WDHD1: variants seen among roughly 807,000 people sequenced by gnomAD.
WDHD1 encodes the protein WD repeat and HMG-box DNA-binding protein 1.
In WDHD1, 111 loss-of-function variants were observed where a neutral mutation model predicts 135.4. The observed-to-expected ratio is 0.82, with a 90% CI of 0.70 to 0.96. WDHD1 has a LOEUF of 0.96. Ranked by LOEUF, WDHD1 falls within the 40% of genes least tolerant of loss-of-function variation. WDHD1 has a pLI of 0.00. For synonymous variants in WDHD1, 434 were observed against 439.0 expected, an observed-to-expected ratio of 0.99 and a Z score of 0.14; for missense variants, 1,351 against 1,336.3, an observed-to-expected ratio of 1.01 and a Z score of -0.17.
Position 54,961,922 on chromosome 14 carries a change from C to T in WDHD1, c.2701+576G>A, listed in dbSNP as rs547039898. Among the ~76,000 whole-genome samples, 366 of 151,984 alleles carry T rather than the reference C, an allele frequency of 2.4e-3. 1 individual carries two copies. Among genetic ancestry groups the T allele is most frequent in the Admixed American group, 4.3e-3 (65 of 15,250 alleles). Reference sequence around the variant, plus strand: ...CACGATCTCGGCTCACTGCTACCTCCACCTCCTGAGTTCAAGTGATTCTCC... The same window carrying T: ...CACGATCTCGGCTCACTGCTACCTCTACCTCCTGAGTTCAAGTGATTCTCC... On this transcript the variant is annotated intron_variant, in intron 21 of 25. Transcript: ENST00000360586.
chr14:54,994,859 T>C (rs947930439), intron 11 of WDHD1, among the ~76,000 whole-genome samples: 7 of 152,170 alleles, frequency 4.6e-5, no homozygotes, highest in African/African-American at 1.7e-4. Context: ...GTGGCTACTA[T>C]ATATTGGATA....
chr14:54,988,145 C>T (rs942265536), intron 13 of WDHD1, among the ~76,000 whole-genome samples: 3 of 152,144 alleles, frequency 2.0e-5, no homozygotes, highest in Non-Finnish European at 2.9e-5. Context: ...TACTTACCTA[C>T]CTACTTATCA....
At chr14:54,990,868 T>C (rs1291782339) in intron 12 of WDHD1, among the ~76,000 whole-genome samples, 1 of 152,176 alleles carries the variant, frequency 6.6e-6, no homozygotes, top group Non-Finnish European at 1.5e-5. Context: ...ACCTCCTTAC[T>C]AGTGTTTTGG....
At chr14:55,019,017 C>T (rs1566745947) in intron 2 of WDHD1, among the ~76,000 whole-genome samples, 1 of 152,116 alleles carries the variant, frequency 6.6e-6, no homozygotes, top group Non-Finnish European at 1.5e-5. Flanking sequence ...GAGTGAAACT[C>T]TGACTCAAAC....
At chr14:54,969,876 G>C (rs1197769983) in intron 16 of WDHD1, among the ~76,000 whole-genome samples, 1 of 152,084 alleles carries the variant, frequency 6.6e-6, no homozygotes, top group Non-Finnish European at 1.5e-5. Context: ...TTACTCCTGG[G>C]ATGTAAGGTT....
In WDHD1 at chr14:54,939,878, T is replaced by C. The variant is rs950012321; in HGVS notation, c.*1612A>G. 2 of 152,256 alleles carry C rather than the reference T, an allele frequency of 1.3e-5. No homozygotes were observed. The highest frequency in any genetic ancestry group is 2.9e-5 in the Non-Finnish European group (2 of 68,044). The allele number at this position is 152,256 out of a possible 1,614,324, so 9.4% of individuals were successfully genotyped here. ...AATGGCGAAACTGCATTTACTTTTA[T>C]ATCAACCTAGTATTATAAAATATAT... On this transcript the variant is annotated 3_prime_UTR_variant, in exon 26 of 26. Coordinates refer to ENST00000360586, the MANE Select transcript of WDHD1 (RefSeq NM_007086.4).
At chr14:55,003,782 T>C (rs2042017569) in intron 7 of WDHD1, among the ~76,000 whole-genome samples, 1 of 152,042 alleles carries the variant, frequency 6.6e-6, no homozygotes. Flanking sequence ...CAGGCTGGTC[T>C]CGAACTCCTG....
In WDHD1 at chr14:54,958,704, CCT is replaced by C. The variant is rs200449348; in HGVS notation, c.2702-1071_2702-1070del. On this transcript the variant is annotated intron_variant, in intron 21 of 25. Coordinates refer to ENST00000360586, the MANE Select transcript of WDHD1 (RefSeq NM_007086.4). ...ACTGCATTCCCTGACTTAGTTCCTTCCTCTCTGGACCTGTGGACTCATTGTGT... is the reference window on the plus strand; with the variant it reads ...ACTGCATTCCCTGACTTAGTTCCTTCCTCTGGACCTGTGGACTCATTGTGT... Among the ~76,000 whole-genome samples the C allele has an allele frequency of 6.4e-3, 977 of 152,290 alleles. 12 individuals are homozygous for C. The highest frequency in any genetic ancestry group is 0.022 in the African/African-American group (912 of 41,544).
In WDHD1 at chr14:55,023,514, A is replaced by T. The variant is rs1049791055; in HGVS notation, c.77+3197T>A. On this transcript the variant is annotated intron_variant, in intron 2 of 25. Coordinates refer to ENST00000360586, the MANE Select transcript of WDHD1 (RefSeq NM_007086.4). ...AATTCAACTTTTCTCTCTTAATGTC[A>T]TGACTTTTGTCTGCTTCTTAGGAGT... 3.3e-5 allele frequency among the ~76,000 whole-genome samples: 5 copies of T among 152,338 alleles called. No homozygotes were observed. In the East Asian group the frequency reaches 9.7e-4, roughly 29 times the overall value.
At chr14:54,982,367 C>T (rs549612408) in intron 15 of WDHD1, among the ~76,000 whole-genome samples, 19 of 152,260 alleles carry the variant, frequency 1.2e-4, no homozygotes, top group Non-Finnish European at 5.9e-5. Flanking sequence ...AAGGCTCCCG[C>T]TTGAGAAACA....
intron 2 of WDHD1, among the ~76,000 whole-genome samples, chr14:55,014,968 G>A (rs2140228167): frequency 6.6e-6 from 1 of 152,158 alleles, no homozygotes; most frequent in African/African-American, 2.4e-5. Flanking sequence ...AGACAAGCCA[G>A]GAAAGAAAAA....
chr14:55,026,218 C>T (rs1471416368), intron 2 of WDHD1, among the ~76,000 whole-genome samples: 1 of 151,502 alleles, frequency 6.6e-6, no homozygotes, highest in Non-Finnish European at 1.5e-5. Flanking sequence ...AGCAGTAGTG[C>T]GTAAGAATGG....
At chr14:54,995,188 C>T (rs1366173400) in intron 11 of WDHD1, among the ~76,000 whole-genome samples, 1 of 152,088 alleles carries the variant, frequency 6.6e-6, no homozygotes, top group Non-Finnish European at 1.5e-5. Context: ...ACCATGTTGG[C>T]CAGGCTGGTC....
chr14:54,962,878 T>A, intron 19 of WDHD1, 25 bp from the exon 20 acceptor site: 1 of 1,610,990 alleles, frequency 6.2e-7, no homozygotes, highest in African/African-American at 1.3e-5. Context: ...TATTATTCAA[T>A]AAAGAGCTAT....
rs1468321159 is a variant in WDHD1 at position 54,941,666 on chromosome 14, C to T, written c.3214G>A (p.Glu1072Lys). 2.5e-6 allele frequency: 4 copies of T among 1,613,516 alleles called. No homozygotes were observed. Among genetic ancestry groups the T allele is most frequent in the Non-Finnish European group, 3.4e-6 (4 of 1,179,822 alleles). ...GCTTCAGTTCCTTCACTTGCCGTTT[C>T]TCCTTTGGCTTTGTTAGCCCACACC... ...RKVWANKAKG[E>K]TASEGTEAKK... Residue 1072 changes from glutamate (E) to lysine (K), a missense_variant, in exon 26 of 26, where the codon GAA (glutamate) becomes AAA (lysine). Physicochemically the swap from Glu to Lys is moderately conservative, Grantham distance 56. Transcript: ENST00000360586.
At chr14:55,015,378 T>A (rs1236416932) in intron 2 of WDHD1, among the ~76,000 whole-genome samples, 4 of 15,170 alleles carry the variant, frequency 2.6e-4, no homozygotes, top group East Asian at 2.0e-3. Flanking sequence ...TGACACTGTC[T>A]CAAAAAAAAA....
chr14:54,986,538 C>A (rs1490839236), intron 14 of WDHD1, among the ~76,000 whole-genome samples: 1 of 151,944 alleles, frequency 6.6e-6, no homozygotes, highest in Non-Finnish European at 1.5e-5. Context: ...GACTGAAAGA[C>A]CCTGACCTAG....
intron 16 of WDHD1, among the ~76,000 whole-genome samples, chr14:54,981,303 G>A (rs757132056): frequency 6.6e-6 from 1 of 152,104 alleles, no homozygotes; most frequent in African/African-American, 2.4e-5. Flanking sequence ...TCCTCTCCCT[G>A]TGTGGCTGAA....
At chr14:54,987,450 A>ATATATG in intron 13 of WDHD1, 63 bp from the exon 14 acceptor site, 1 of 1,378,386 alleles carries the variant, frequency 7.3e-7, no homozygotes, top group Non-Finnish European at 9.7e-7. Flanking sequence ...ATATATATAT[A>ATATATG]TAAGCAATCA....
Sources: allele counts gnomAD v4.1 joint callset (sites outside exome capture counted in the v4.1 genomes callset), GRCh38; gene constraint gnomAD v4.1.1; transcripts MANE v1.5; gene names NCBI Gene and HGNC (gene_info 2026-07-23, HGNC 2026-07-21).